Variants in DIPK1A observed in about 807,000 individuals in gnomAD.
The protein encoded by DIPK1A is divergent protein kinase domain 1A, also known as family with sequence similarity 69 member A.
A neutral mutation model predicts 40.8 loss-of-function variants in DIPK1A; 27 were observed. That is an observed-to-expected ratio of 0.66 (90% confidence interval 0.49 to 0.91). The LOEUF is 0.91. Among genes scored for constraint, DIPK1A ranks in the 40% least tolerant of loss-of-function variants. The pLI is 0.00. For missense variants in DIPK1A, 412 were observed against 505.7 expected, an observed-to-expected ratio of 0.81 and a Z score of 1.78; for synonymous variants, 166 against 171.3, an observed-to-expected ratio of 0.97 and a Z score of 0.24.
intron 1 of DIPK1A, among the ~76,000 whole-genome samples, chr1:92,917,028 G>A (rs1650080993): frequency 6.6e-6 from 1 of 152,130 alleles, no homozygotes; most frequent in Non-Finnish European, 1.5e-5. Flanking sequence ...ATACACAGCT[G>A]TAATCAGTGT....
At chr1:92,854,690 G>A (rs1315084370) in intron 2 of DIPK1A, among the ~76,000 whole-genome samples, 1 of 152,212 alleles carries the variant, frequency 6.6e-6, no homozygotes, top group Non-Finnish European at 1.5e-5. Flanking sequence ...TCATCTTCAG[G>A]AGAGGAGCAA....
intron 1 of DIPK1A, among the ~76,000 whole-genome samples, chr1:92,880,828 T>A (rs903803519): frequency 1.3e-5 from 2 of 150,302 alleles, no homozygotes; most frequent in African/African-American, 4.9e-5. Flanking sequence ...TGAGATCGCA[T>A]CACTGCACTC....
At chr1:92,916,332 G>A (rs962020054) in intron 1 of DIPK1A, among the ~76,000 whole-genome samples, 5 of 139,456 alleles carry the variant, frequency 3.6e-5, no homozygotes, top group African/African-American at 8.1e-5. Flanking sequence ...ACGGAGTTTC[G>A]CTGTTGTCAC....
At chr1:92,948,797 G>A (rs921161109) in intron 1 of DIPK1A, among the ~76,000 whole-genome samples, 3 of 143,126 alleles carry the variant, frequency 2.1e-5, no homozygotes, top group African/African-American at 5.2e-5. Flanking sequence ...ATATGTGTGT[G>A]TATATATATA....
At chr1:92,872,826 C>G (rs1414144733) in intron 2 of DIPK1A, among the ~76,000 whole-genome samples, 1 of 152,202 alleles carries the variant, frequency 6.6e-6, no homozygotes, top group African/African-American at 2.4e-5. Flanking sequence ...GTTCATAACT[C>G]TAATCTGTAT....
chr1:92,844,940 CTTTTTTTTTTTTT>C (rs71094206), intron 4 of DIPK1A, among the ~76,000 whole-genome samples: 1 of 94,080 alleles, frequency 1.1e-5, no homozygotes, highest in Non-Finnish European at 2.0e-5. Context: ...ATTAGTATTT[CTTTTTTTTTTTTT>C]TTTTTTTTTG....
chr1:92,842,459 T>C lies in DIPK1A; in HGVS notation c.*924A>G. 1 of 976,874 alleles carries C rather than the reference T, an allele frequency of 1.0e-6. No individual in the cohort carries two copies. The highest frequency in any genetic ancestry group is 4.7e-5 in the South Asian group (1 of 21,124). 60.5% of individuals were successfully genotyped at this position (976,874 alleles called of 1,614,324 possible). On this transcript the variant is annotated 3_prime_UTR_variant, in exon 5 of 5. Coordinates refer to ENST00000370310, the MANE Select transcript of DIPK1A (RefSeq NM_001006605.5). ...AAAGAGGAGCAAATACTAAACCTTG[T>C]ATATCAAGTTTACATGGGGAAAAAA... is the stretch of plus-strand genomic sequence containing the variant.
In DIPK1A at chr1:92,843,890, C is replaced by T; in HGVS notation, c.780G>A (p.Leu260=). 6.4e-7 allele frequency: 1 copy of T among 1,551,724 alleles called. No individual in the cohort carries two copies. Among genetic ancestry groups the T allele is most frequent in the Non-Finnish European group, 8.7e-7 (1 of 1,146,992 alleles). ...CCTTTCTTGGCCATGATGGTGTGAA[C>T]AGCTGATCCATGCTTCTTCTGAACC... The part of the protein sequence containing the change: ...PSGFRRSMDQ[L]FTPSWPRKAK... The change falls in exon 5 of 5, where the codon CTG becomes CTA. Residue 260 remains leucine, a synonymous_variant. Transcript: ENST00000370310.
chr1:92,851,282 G>A (rs1291361688), intron 2 of DIPK1A, among the ~76,000 whole-genome samples: 2 of 151,952 alleles, frequency 1.3e-5, no homozygotes, highest in Non-Finnish European at 1.5e-5. Flanking sequence ...CGTGGCTCAC[G>A]CTTGTAATCC....
chr1:92,869,530 G>A (rs889251846), intron 2 of DIPK1A, among the ~76,000 whole-genome samples: 6 of 152,106 alleles, frequency 3.9e-5, no homozygotes, highest in Admixed American at 1.3e-4. Context: ...GAGAATAAAA[G>A]GACCCACACT....
intron 4 of DIPK1A, chr1:92,834,812 G>C: frequency 6.2e-7 from 1 of 1,613,194 alleles, no homozygotes; most frequent in Non-Finnish European, 8.5e-7. Context: ...GGATATGATA[G>C]TCTGCGCAGC....
chr1:92,842,617 C>T lies in DIPK1A; in HGVS notation c.*766G>A. 1 of 985,076 alleles carries T rather than the reference C, an allele frequency of 1.0e-6. No individual in the cohort carries two copies. Among genetic ancestry groups the T allele is most frequent in the Non-Finnish European group, 1.2e-6 (1 of 829,714 alleles). 61.0% of individuals were successfully genotyped at this position (985,076 alleles called of 1,614,324 possible). Reference sequence around the variant, plus strand: ...TTTATTTTAGTCTTGCACTTACAGTCCCACTTTCACATAGTTCAAAATCAG... The same window carrying T: ...TTTATTTTAGTCTTGCACTTACAGTTCCACTTTCACATAGTTCAAAATCAG... On this transcript the variant is annotated 3_prime_UTR_variant, in exon 5 of 5. Coordinates refer to ENST00000370310, the MANE Select transcript of DIPK1A (RefSeq NM_001006605.5).
Position 92,863,422 on chromosome 1 carries a change from C to T in DIPK1A, c.190-12467G>A, listed in dbSNP as rs183244925. Among the ~76,000 whole-genome samples, 8 of 152,048 alleles carry T rather than the reference C, an allele frequency of 5.3e-5. No individual in the cohort carries two copies. The East Asian group carries it at 1.2e-3, about 22-fold the overall frequency. ...AGTGTAGCATAAGACATGAAGGCCA[C>T]CAGAAGTGCTACTATGATTTAAGAT... On this transcript the variant is annotated intron_variant, in intron 2 of 4. Transcript: ENST00000370310.
chr1:92,934,887 G>A (rs760445092), intron 1 of DIPK1A, among the ~76,000 whole-genome samples: 1 of 152,182 alleles, frequency 6.6e-6, no homozygotes, highest in Non-Finnish European at 1.5e-5. Flanking sequence ...TACAGATGGA[G>A]ATTGATTGCT....
At chr1:92,895,964 T>C (rs1649145704) in intron 1 of DIPK1A, among the ~76,000 whole-genome samples, 1 of 152,072 alleles carries the variant, frequency 6.6e-6, no homozygotes. Context: ...GAAGGACCTC[T>C]TCAAGGAGAA....
chr1:92,949,171 C>T (rs760285853), intron 1 of DIPK1A, among the ~76,000 whole-genome samples: 12 of 151,982 alleles, frequency 7.9e-5, no homozygotes, highest in South Asian at 4.2e-4. Context: ...CACTCCCACC[C>T]CCAAAATTAG....
At chr1:92,919,586 T>C (rs1650194954) in intron 1 of DIPK1A, among the ~76,000 whole-genome samples, 2 of 152,228 alleles carry the variant, frequency 1.3e-5, no homozygotes, top group South Asian at 4.1e-4. Flanking sequence ...CTCTGTGCTA[T>C]CTCTATATCT....
At chr1:92,865,264 G>T (rs1231005011) in intron 2 of DIPK1A, among the ~76,000 whole-genome samples, 1 of 151,928 alleles carries the variant, frequency 6.6e-6, no homozygotes, top group African/African-American at 2.4e-5. Context: ...TTGAGAGGCT[G>T]AGGTGGGAGG....
At chr1:92,847,385 T>C (rs369157952) in intron 3 of DIPK1A, 26 bp from the exon 4 acceptor site, 3 of 1,489,432 alleles carry the variant, frequency 2.0e-6, no homozygotes, top group Non-Finnish European at 2.7e-6. Flanking sequence ...TGGCAAGTTA[T>C]GTATTATACT....
Sources: allele counts gnomAD v4.1 joint callset (sites outside exome capture counted in the v4.1 genomes callset), GRCh38; gene constraint gnomAD v4.1.1; transcripts MANE v1.5; gene names NCBI Gene and HGNC (gene_info 2026-07-23, HGNC 2026-07-21).